The following CPQ variants were observed in gnomAD, a reference collection of about 807,000 sequenced individuals.
The protein encoded by CPQ is Ser-Met dipeptidase.
CPQ carries 37 observed loss-of-function variants against 45.7 expected under a neutral mutation model. The ratio of observed to expected loss-of-function variants is 0.81; its 90% CI spans 0.62 to 1.07. The LOEUF (loss-of-function observed/expected upper bound fraction) is 1.07, where lower values mean the gene tolerates loss of function less well. CPQ is among the 50% of genes least tolerant of loss of function. The pLI is 0.00. For synonymous variants in CPQ, 186 were observed against 205.8 expected (o/e 0.90, Z 0.82); for missense variants, 537 against 572.9 (o/e 0.94, Z 0.64).
rs181091312 is a variant in CPQ at position 96,805,259 on chromosome 8, T to C, written c.433+19929T>C. On this transcript the variant is annotated intron_variant, in intron 2 of 7. Transcript: ENST00000220763. ...AAGATAAGAGCTGTGAATATTTTGG[T>C]CTGTTTGCATGCTCTGGTTTTTTTC... is the stretch of plus-strand genomic sequence containing the variant. Among the ~76,000 whole-genome samples the C allele has an allele frequency of 2.3e-3, 347 of 152,300 alleles. 4 individuals are homozygous for C. Among genetic ancestry groups the C allele is most frequent in the African/African-American group, 8.2e-3 (339 of 41,580 alleles).
intron 7 of CPQ, among the ~76,000 whole-genome samples, chr8:97,079,705 C>T (rs537687856): frequency 5.9e-5 from 9 of 152,096 alleles, no homozygotes; most frequent in African/African-American, 2.2e-4. Flanking sequence ...ATTAAACTGC[C>T]GGGGCCTCAC....
chr8:97,001,485 G>T (rs1023493011), intron 5 of CPQ, among the ~76,000 whole-genome samples: 2 of 152,062 alleles, frequency 1.3e-5, no homozygotes, highest in African/African-American at 4.8e-5. Context: ...AGCCCTTTCT[G>T]CATCTATTGA....
At chr8:96,741,437 G>T (rs945335873) in intron 1 of CPQ, among the ~76,000 whole-genome samples, 2 of 151,846 alleles carry the variant, frequency 1.3e-5, no homozygotes, top group Non-Finnish European at 2.9e-5. Context: ...TCCCGGATTC[G>T]TTAATTTTTT....
intron 2 of CPQ, 107 bp from the exon 3 acceptor site, chr8:96,834,866 C>T: frequency 1.1e-6 from 1 of 924,838 alleles, no homozygotes; most frequent in South Asian, 1.8e-5. Flanking sequence ...CTTCTTATAC[C>T]AGTTTGCCAG....
chr8:96,975,406 C>G (rs1341329498), intron 5 of CPQ, among the ~76,000 whole-genome samples: 1 of 151,464 alleles, frequency 6.6e-6, no homozygotes, highest in Non-Finnish European at 1.5e-5. Flanking sequence ...ATCAGATGTT[C>G]AAAAAAGAAC....
At chr8:96,981,765 A>G (rs1741215424) in intron 5 of CPQ, among the ~76,000 whole-genome samples, 1 of 152,218 alleles carries the variant, frequency 6.6e-6, no homozygotes, top group Non-Finnish European at 1.5e-5. Flanking sequence ...TTTCATTTTT[A>G]TAATCTATAA....
chr8:96,948,561 A>T (rs1000973171), intron 4 of CPQ, among the ~76,000 whole-genome samples: 3 of 152,106 alleles, frequency 2.0e-5, no homozygotes, highest in African/African-American at 7.2e-5. Context: ...GTAACCTAGC[A>T]TGTTACCTAC....
chr8:96,748,220 C>T lies in CPQ; in HGVS notation c.-34-36644C>T, dbSNP rs1287887803. Among the ~76,000 whole-genome samples, 3 of 151,922 alleles carry T rather than the reference C, an allele frequency of 2.0e-5. No homozygotes were observed. In the South Asian group the frequency reaches 6.2e-4, roughly 32 times the overall value. ...AGAGATTTTTGGTGTTGTTTTTGTC[C>T]ATAAAACAACAAACACAAAAAATGT... On this transcript the variant is annotated intron_variant, in intron 1 of 7. Transcript: ENST00000220763.
intron 1 of CPQ, among the ~76,000 whole-genome samples, chr8:96,738,294 G>A (rs1170168229): frequency 1.3e-5 from 2 of 152,044 alleles, no homozygotes; most frequent in African/African-American, 4.8e-5. Context: ...ATCAGTTAGT[G>A]AGGAGGTATG....
intron 6 of CPQ, among the ~76,000 whole-genome samples, chr8:97,051,516 T>C (rs1376032850): frequency 6.6e-6 from 1 of 152,120 alleles, no homozygotes; most frequent in Non-Finnish European, 1.5e-5. Context: ...AAGTGACAGG[T>C]TTTGCTAATA....
chr8:96,929,831 T>TA (rs1286256639), intron 4 of CPQ, among the ~76,000 whole-genome samples: 2 of 152,196 alleles, frequency 1.3e-5, no homozygotes, highest in Non-Finnish European at 2.9e-5. Context: ...TCAGTAGCTC[T>TA]GACTGTTAGA....
At chr8:96,842,711 G>T (rs567864220) in intron 3 of CPQ, among the ~76,000 whole-genome samples, 5 of 152,222 alleles carry the variant, frequency 3.3e-5, no homozygotes, top group African/African-American at 1.2e-4. Context: ...AGTGTGACAG[G>T]CATGCTTCCT....
chr8:96,708,419 ATG>A (rs61343547), intron 1 of CPQ, among the ~76,000 whole-genome samples: 25,164 of 137,616 alleles, frequency 0.18, 3,116 homozygotes, highest in African/African-American at 0.36. Context: ...GGTAAGCCAT[ATG>A]TGTGTGTGTG....
chr8:96,757,195 A>G (rs2130789045), intron 1 of CPQ, among the ~76,000 whole-genome samples: 1 of 152,008 alleles, frequency 6.6e-6, no homozygotes, highest in Non-Finnish European at 1.5e-5. Flanking sequence ...TAGAAATACA[A>G]AAATACTTAG....
intron 3 of CPQ, among the ~76,000 whole-genome samples, chr8:96,871,207 T>G (rs1053078718): frequency 7.2e-5 from 11 of 152,098 alleles, no homozygotes; most frequent in Middle Eastern, 6.8e-3. Context: ...CTAAAATATG[T>G]GTCTATTGCC....
chr8:97,088,381 C>T (rs1811073758), intron 7 of CPQ, among the ~76,000 whole-genome samples: 2 of 152,190 alleles, frequency 1.3e-5, no homozygotes, highest in Non-Finnish European at 2.9e-5. Context: ...GATTCATTGG[C>T]TTCACTTAGT....
chr8:96,712,081 T>A (rs1360507915), intron 1 of CPQ, among the ~76,000 whole-genome samples: 1 of 152,058 alleles, frequency 6.6e-6, no homozygotes, highest in Non-Finnish European at 1.5e-5. Flanking sequence ...AAGTCTGAAA[T>A]CTAATAGGGC....
intron 1 of CPQ, among the ~76,000 whole-genome samples, chr8:96,694,525 C>T (rs1050284109): frequency 6.6e-6 from 1 of 152,086 alleles, no homozygotes; most frequent in Non-Finnish European, 1.5e-5. Context: ...TATGTTAGGC[C>T]ACAAGACAAG....
chr8:96,918,523 T>C (rs116156182), intron 4 of CPQ, among the ~76,000 whole-genome samples: 2,493 of 152,206 alleles, frequency 0.016, 70 homozygotes, highest in African/African-American at 0.056. Flanking sequence ...CAGTTTCTTC[T>C]TACTCCTAGT....
Sources: gnomAD v4.1 joint callset for allele counts (sites outside exome capture counted in the v4.1 genomes callset) on GRCh38, gnomAD v4.1.1 for gene constraint, MANE v1.5 for transcripts, NCBI Gene and HGNC (gene_info 2026-07-23, HGNC 2026-07-21) for gene names.